FARSB: variants seen among roughly 807,000 people sequenced by gnomAD.
FARSB encodes phenylalanyl-tRNA synthetase subunit beta.
Under a neutral mutation model 69.6 loss-of-function variants are expected in FARSB, and 40 were observed. The ratio of observed to expected loss-of-function variants is 0.57; its 90% CI spans 0.45 to 0.75. The LOEUF is 0.75. Ranked by LOEUF, FARSB falls within the 30% of genes least tolerant of loss-of-function variation. FARSB has a pLI of 0.00. For missense variants in FARSB, 632 were observed against 722.9 expected (o/e 0.87, Z 1.44); for synonymous variants, 235 against 247.2 (o/e 0.95, Z 0.46).
intron 5 of FARSB, among the ~76,000 whole-genome samples, chr2:222,637,216 C>T (rs1239042122): frequency 1.3e-5 from 2 of 152,082 alleles, no homozygotes; most frequent in East Asian, 1.9e-4. Context: ...TGGCAACTAA[C>T]AGCAGGCAAT....
chr2:222,572,672 G>C (rs1164246877), intron 16 of FARSB, among the ~76,000 whole-genome samples: 8 of 152,148 alleles, frequency 5.3e-5, no homozygotes, highest in Non-Finnish European at 7.3e-5. Flanking sequence ...CACAGCAAAG[G>C]CCAGCCTAAC....
rs372481653 is a variant in FARSB, at chr2:222,656,070, G to T, written c.4C>A (p.Pro2Thr). The T allele has an allele frequency of 5.0e-6, 8 of 1,595,444 alleles. No individual in the cohort carries two copies. Among genetic ancestry groups the T allele is most frequent in the African/African-American group, 1.4e-5 (1 of 73,902 alleles). MPTVSVKRDLLF... is the reference protein window; with the variant it reads MTTVSVKRDLLF... ...AGATCACGCTTCACGCTGACAGTCGGCATGGTGTGTCGAACTCACTGCGCC... is the reference window on the plus strand; with the variant it reads ...AGATCACGCTTCACGCTGACAGTCGTCATGGTGTGTCGAACTCACTGCGCC... Residue 2 changes from proline (P) to threonine (T), a missense_variant, in exon 1 of 17, where the codon CCG (proline) becomes ACG (threonine). Transcript: ENST00000281828.
chr2:222,604,126 G>A (rs2106201256), intron 15 of FARSB, among the ~76,000 whole-genome samples: 1 of 151,898 alleles, frequency 6.6e-6, no homozygotes, highest in East Asian at 1.9e-4. Context: ...GCTGAGGCAG[G>A]AGAATGGCGT....
At chr2:222,633,087 C>A in intron 7 of FARSB, 112 bp downstream of exon 7, 1 of 693,496 alleles carries the variant, frequency 1.4e-6, no homozygotes. Flanking sequence ...CTGAGATACT[C>A]AGATTATGAG....
At position 222,571,248 on chromosome 2, in the gene FARSB, A is replaced by G. The variant is rs1689710746; in HGVS notation, c.*623T>C. Reference sequence around the variant, plus strand: ...CTTTGTTGCATGTACTCTATCTTAGAGTATCACAGATAGAGTAAAAAATAC... The same window carrying G: ...CTTTGTTGCATGTACTCTATCTTAGGGTATCACAGATAGAGTAAAAAATAC... On this transcript the variant is annotated 3_prime_UTR_variant, in exon 17 of 17. Coordinates refer to ENST00000281828, the MANE Select transcript of FARSB (RefSeq NM_005687.5). The G allele has an allele frequency of 6.6e-6, 1 of 152,244 alleles. No individual in the cohort carries two copies. The highest frequency in any genetic ancestry group is 2.1e-4 in the South Asian group (1 of 4,834). 9.4% of individuals were successfully genotyped at this position (152,244 alleles called of 1,614,324 possible).
At chr2:222,629,721 T>C (rs1691368172) in intron 9 of FARSB, among the ~76,000 whole-genome samples, 1 of 152,196 alleles carries the variant, frequency 6.6e-6, no homozygotes, top group African/African-American at 2.4e-5. Flanking sequence ...GGAACCACAT[T>C]TTTAATCTTT....
chr2:222,634,652 C>A (rs1691531043), intron 5 of FARSB, 111 bp from the exon 6 acceptor site: 1 of 736,068 alleles, frequency 1.4e-6, no homozygotes, highest in African/African-American at 1.8e-5. Flanking sequence ...ATATAGACTA[C>A]ATATTTTTTT....
At chr2:222,618,647 C>T (rs1048614812) in intron 14 of FARSB, among the ~76,000 whole-genome samples, 2 of 152,206 alleles carry the variant, frequency 1.3e-5, no homozygotes, top group Admixed American at 6.5e-5. Context: ...ACACAAATCA[C>T]TTAATACTCA....
In FARSB at chr2:222,624,185, C is replaced by T. The variant is rs1202374230; in HGVS notation, c.1170+87G>A. 3 of 876,576 alleles carry T rather than the reference C, an allele frequency of 3.4e-6. No individual in the cohort carries two copies. The South Asian group carries it at 4.3e-5, about 13-fold the overall frequency. The allele number at this position is 876,576 out of a possible 1,614,324, so 54.3% of individuals were successfully genotyped here. A position where few individuals can be genotyped will look rare whatever the true frequency, so the allele number is the denominator to read the frequency against. Reference sequence around the variant, plus strand: ...GAGCATGTCCAAATACTGCTTGATTCCTACGTTCTGTTTTCTCGAAGCCTT... The same window carrying T: ...GAGCATGTCCAAATACTGCTTGATTTCTACGTTCTGTTTTCTCGAAGCCTT... On this transcript the variant is annotated intron_variant, in intron 12 of 16. Coordinates refer to ENST00000281828, the MANE Select transcript of FARSB (RefSeq NM_005687.5).
chr2:222,630,569 C>T lies in FARSB; in HGVS notation c.787-395G>A, dbSNP rs529891329. On this transcript the variant is annotated intron_variant, in intron 8 of 16. Coordinates refer to ENST00000281828, the MANE Select transcript of FARSB (RefSeq NM_005687.5). ...GACACTAGGCAAACCACTTTTCTTA[C>T]CTGTTAAGGAGATAATGAAAATTCC... Among the ~76,000 whole-genome samples, 337 of 152,240 alleles carry T rather than the reference C, an allele frequency of 2.2e-3. 1 individual carries two copies. The highest frequency in any genetic ancestry group is 4.4e-3 in the Admixed American group (67 of 15,286).
intron 15 of FARSB, among the ~76,000 whole-genome samples, chr2:222,606,721 T>G (rs1690712508): frequency 6.6e-6 from 1 of 152,244 alleles, no homozygotes; most frequent in Admixed American, 6.5e-5. Flanking sequence ...CTCAAATTTT[T>G]CAAATAGGCT....
intron 15 of FARSB, among the ~76,000 whole-genome samples, chr2:222,604,793 G>A (rs746997543): frequency 3.6e-5 from 5 of 140,094 alleles, no homozygotes; most frequent in Non-Finnish European, 6.0e-5. Context: ...GGCTGGTCTC[G>A]AACTCCTGGG....
At chr2:222,653,984 A>G (rs1692105829) in intron 1 of FARSB, among the ~76,000 whole-genome samples, 1 of 152,148 alleles carries the variant, frequency 6.6e-6, no homozygotes, top group Non-Finnish European at 1.5e-5. Context: ...TTGATCACTG[A>G]CAATATGAAA....
At chr2:222,635,309 C>A (rs551214634) in intron 5 of FARSB, among the ~76,000 whole-genome samples, 3 of 152,300 alleles carry the variant, frequency 2.0e-5, no homozygotes, top group African/African-American at 7.2e-5. Flanking sequence ...GGAACTTGGT[C>A]AAAATTTGTG....
chr2:222,600,072 T>C lies in FARSB; in HGVS notation c.1474A>G (p.Lys492Glu), dbSNP rs1330275250. ...ACAGCACAGAGATGTCTGTAGTTTT[T>C]TGCACCTACATCTAGAAAAATAAAG... ...IKDSNTDVGA[K>E]NYRHLCAVYY... is the part of the protein sequence containing the mutation. Residue 492 changes from lysine to glutamate, a missense_variant, in exon 16 of 17, where the codon AAA becomes GAA. Physicochemically the swap from Lys to Glu is moderately conservative, Grantham distance 56 (BLOSUM62 1). Transcript: ENST00000281828. 6.2e-7 allele frequency: 1 copy of C among 1,605,388 alleles called. No homozygotes were observed. The highest frequency in any genetic ancestry group is 8.5e-7 in the Non-Finnish European group (1 of 1,177,954).
intron 2 of FARSB, among the ~76,000 whole-genome samples, chr2:222,647,795 C>T (rs1691909304): frequency 6.6e-6 from 1 of 152,186 alleles, no homozygotes; most frequent in Admixed American, 6.5e-5. Context: ...TGGCTCACAC[C>T]TGTAATCTCA....
chr2:222,601,387 G>C (rs1690554916), intron 15 of FARSB, among the ~76,000 whole-genome samples: 1 of 151,204 alleles, frequency 6.6e-6, no homozygotes, highest in Admixed American at 6.6e-5. Flanking sequence ...GACCAACCTG[G>C]GCAACATAGC....
intron 16 of FARSB, among the ~76,000 whole-genome samples, chr2:222,597,890 A>T (rs928178420): frequency 6.6e-6 from 1 of 152,056 alleles, no homozygotes; most frequent in Non-Finnish European, 1.5e-5. Flanking sequence ...TTAAAAGAAG[A>T]AAAAAAAGAA....
intron 2 of FARSB, among the ~76,000 whole-genome samples, chr2:222,648,364 C>T (rs1368800362): frequency 6.6e-6 from 1 of 152,062 alleles, no homozygotes; most frequent in Non-Finnish European, 1.5e-5. Context: ...AAGGAGGAGG[C>T]GCTGGAAGTG....
Sources: allele counts gnomAD v4.1 joint callset (sites outside exome capture counted in the v4.1 genomes callset), GRCh38; gene constraint gnomAD v4.1.1; transcripts MANE v1.5; gene names NCBI Gene and HGNC (gene_info 2026-07-23, HGNC 2026-07-21).